Variants in PIGU observed in about 807,000 individuals in gnomAD.
PIGU encodes GPI-anchor transamidase component PIGU.
PIGU carries 24 observed loss-of-function variants against 49.9 expected under a neutral mutation model. That is an observed-to-expected ratio of 0.48 (90% CI 0.35 to 0.68). PIGU has a LOEUF of 0.68. Ranked by LOEUF, PIGU falls within the 30% of genes least tolerant of loss-of-function variation. The pLI, the probability that PIGU is intolerant of heterozygous loss-of-function variation, is 0.01. For synonymous variants in PIGU, 220 were observed against 205.7 expected, an observed-to-expected ratio of 1.07 and a Z score of -0.59; for missense variants, 490 against 532.6, an observed-to-expected ratio of 0.92 and a Z score of 0.79.
At chr20:34,644,107 C>T in intron 4 of PIGU, 57 bp downstream of exon 4, 1 of 1,449,456 alleles carries the variant, frequency 6.9e-7, no homozygotes, top group Non-Finnish European at 9.7e-7. Context: ...TTTGTAATAA[C>T]AAAGACCAGA....
At chr20:34,663,665 G>T (rs1986994852) in intron 1 of PIGU, among the ~76,000 whole-genome samples, 1 of 152,140 alleles carries the variant, frequency 6.6e-6, no homozygotes, top group African/African-American at 2.4e-5. Context: ...CGTTGTAACT[G>T]GTCCTTATAC....
intron 5 of PIGU, among the ~76,000 whole-genome samples, chr20:34,636,552 A>G (rs574217426): frequency 6.6e-6 from 1 of 152,316 alleles, no homozygotes; most frequent in African/African-American, 2.4e-5. Flanking sequence ...TCAAATAAAT[A>G]AATAAATAAT....
rs192990747 is a variant in PIGU at position 34,600,500 on chromosome 20, A to G, written c.628-11893T>C. Among the ~76,000 whole-genome samples, 10 of 152,252 alleles carry G rather than the reference A, an allele frequency of 6.6e-5. 1 individual carries two copies. The East Asian group carries it at 1.9e-3, about 29-fold the overall frequency. On this transcript the variant is annotated intron_variant, in intron 7 of 11. Transcript: ENST00000217446. ...CATAGATAAATTCAATGAAGAAAGT[A>G]TTTAGGTTCTGAGTTAATTCCTTGA...
chr20:34,626,322 G>A (rs529385710), intron 6 of PIGU, among the ~76,000 whole-genome samples: 176 of 135,550 alleles, frequency 1.3e-3, no homozygotes, highest in African/African-American at 4.7e-3. Flanking sequence ...TTTTTTTTGA[G>A]ACGGAGCTCC....
chr20:34,671,286 G>A (rs537702475), intron 1 of PIGU, among the ~76,000 whole-genome samples: 13 of 151,292 alleles, frequency 8.6e-5, no homozygotes, highest in Non-Finnish European at 1.6e-4. Context: ...TTTTTGAGAC[G>A]GAGTTTTGCT....
chr20:34,601,312 G>A lies in PIGU; in HGVS notation c.628-12705C>T, dbSNP rs995509694. The stretch of plus-strand genomic sequence containing the variant: ...GAGTCAAGGTTTGCTTGGGGAACAG[G>A]GCCCTAAAACGATAAAGTAATTTGA... On this transcript the variant is annotated intron_variant, in intron 7 of 11. Transcript: ENST00000217446. Among the ~76,000 whole-genome samples, 14 of 151,972 alleles carry A rather than the reference G, an allele frequency of 9.2e-5. 1 individual carries two copies. The highest frequency in any genetic ancestry group is 2.9e-5 in the Non-Finnish European group (2 of 68,016).
intron 7 of PIGU, among the ~76,000 whole-genome samples, chr20:34,608,946 T>C (rs1263296686): frequency 6.6e-6 from 1 of 152,112 alleles, no homozygotes; most frequent in Non-Finnish European, 1.5e-5. Context: ...GAAACTCAAC[T>C]CTAAAGGGTC....
chr20:34,613,950 T>C lies in PIGU; in HGVS notation c.627+2092A>G, dbSNP rs143464491. On this transcript the variant is annotated intron_variant, in intron 7 of 11. Transcript: ENST00000217446. The stretch of plus-strand genomic sequence containing the variant: ...TGGTATAATTGCCTAATAAGAACAA[T>C]ACGACTTTTCACCTTGGGTCCAGTG... Among the ~76,000 whole-genome samples, 18 of 152,278 alleles carry C rather than the reference T, an allele frequency of 1.2e-4. 1 individual carries two copies. In the East Asian group the frequency reaches 3.5e-3, roughly 29 times the overall value.
chr20:34,622,764 C>G (rs1008164342), intron 6 of PIGU, among the ~76,000 whole-genome samples: 1 of 152,142 alleles, frequency 6.6e-6, no homozygotes, highest in South Asian at 2.1e-4. Context: ...ATATAACCTA[C>G]CATTTGCTAG....
chr20:34,590,581 C>T (rs1432263678), intron 7 of PIGU, among the ~76,000 whole-genome samples: 8 of 86,520 alleles, frequency 9.2e-5, no homozygotes, highest in Admixed American at 8.0e-4. Context: ...CGTAACGTAA[C>T]ATAACATAAC....
Position 34,583,240 on chromosome 20 carries a change from A to T in PIGU, c.927-1568T>A, listed in dbSNP as rs566020994. Among the ~76,000 whole-genome samples, 185 of 152,284 alleles carry T rather than the reference A, an allele frequency of 1.2e-3. 1 individual carries two copies. The highest frequency in any genetic ancestry group is 0.012 in the South Asian group (57 of 4,826). ...TAGCTCAGTGTGAACATCTTCCTAA[A>T]CACAATCCACATCACTGGCTTCAGG... On this transcript the variant is annotated intron_variant, in intron 9 of 11. Transcript: ENST00000217446.
intron 1 of PIGU, among the ~76,000 whole-genome samples, chr20:34,663,114 A>C (rs1986978589): frequency 6.6e-6 from 1 of 152,150 alleles, no homozygotes; most frequent in Non-Finnish European, 1.5e-5. Context: ...CATGTTGCGC[A>C]GGCTGGTCTT....
At chr20:34,628,404 A>T (rs1361487270) in intron 6 of PIGU, among the ~76,000 whole-genome samples, 1 of 152,188 alleles carries the variant, frequency 6.6e-6, no homozygotes, top group African/African-American at 2.4e-5. Flanking sequence ...TTATAAGAAA[A>T]TAACTAAATA....
At chr20:34,608,312 G>A (rs538687304) in intron 7 of PIGU, among the ~76,000 whole-genome samples, 1 of 152,212 alleles carries the variant, frequency 6.6e-6, no homozygotes, top group Non-Finnish European at 1.5e-5. Context: ...GACTTCAAGT[G>A]ATCCACCTGC....
At chr20:34,648,671 C>A (rs1986433073) in intron 2 of PIGU, among the ~76,000 whole-genome samples, 1 of 152,088 alleles carries the variant, frequency 6.6e-6, no homozygotes, top group African/African-American at 2.4e-5. Context: ...ACCTTACCCT[C>A]CTGAGTAGGT....
In PIGU at chr20:34,582,016, G is replaced by C. The variant is rs1221809821; in HGVS notation, c.927-344C>G. On this transcript the variant is annotated intron_variant, in intron 9 of 11. Coordinates refer to ENST00000217446, the MANE Select transcript of PIGU (RefSeq NM_080476.5). The stretch of plus-strand genomic sequence containing the variant: ...TGAAGTCAGCATTCTTTATGACTGG[G>C]CTTAAATGACTGCTTGGCAGGATAA... 2.0e-5 allele frequency among the ~76,000 whole-genome samples: 3 copies of C among 152,208 alleles called. No individual in the cohort carries two copies. In the East Asian group the frequency reaches 5.8e-4, roughly 29 times the overall value.
At chr20:34,578,229 A>G (rs1420626293) in intron 10 of PIGU, among the ~76,000 whole-genome samples, 2 of 152,174 alleles carry the variant, frequency 1.3e-5, no homozygotes, top group East Asian at 3.8e-4. Context: ...AAGTTTCTCA[A>G]TTCTGGGTTT....
rs576601997 is a variant in PIGU at position 34,560,702 on chromosome 20, C to G, written c.*164G>C. The G allele has an allele frequency of 2.0e-6, 1 of 510,228 alleles. No individual in the cohort carries two copies. Among genetic ancestry groups the G allele is most frequent in the South Asian group, 3.1e-5 (1 of 31,984 alleles). 31.6% of individuals were successfully genotyped at this position (510,228 alleles called of 1,614,324 possible). A position where few individuals can be genotyped will look rare whatever the true frequency, so the allele number is the denominator to read the frequency against. On this transcript the variant is annotated 3_prime_UTR_variant, in exon 12 of 12. Transcript: ENST00000217446. ...TCCCAGTTCTTCCCCATAGGCCTTG[C>G]TGTCAGTCAGCCATGGGTCCCTTTT...
At chr20:34,563,031 G>A (rs984386535) in intron 11 of PIGU, among the ~76,000 whole-genome samples, 2 of 152,172 alleles carry the variant, frequency 1.3e-5, no homozygotes, top group Non-Finnish European at 2.9e-5. Flanking sequence ...CAAGAAGCAG[G>A]AAGAAAAAGA....
Sources: gnomAD v4.1 joint callset for allele counts (sites outside exome capture counted in the v4.1 genomes callset) on GRCh38, gnomAD v4.1.1 for gene constraint, MANE v1.5 for transcripts, NCBI Gene and HGNC (gene_info 2026-07-23, HGNC 2026-07-21) for gene names.